The following NOL4 variants were observed in gnomAD, a reference collection of about 807,000 sequenced individuals.
NOL4 encodes cancer/testis antigen 125.
A neutral mutation model predicts 75.9 loss-of-function variants in NOL4; 17 were observed. The ratio of observed to expected loss-of-function variants is 0.22; its 90% CI spans 0.15 to 0.34. NOL4 has a LOEUF of 0.34. NOL4 is among the 10% of genes least tolerant of loss of function. NOL4 has a pLI of 1.00. For missense variants in NOL4, 614 were observed against 793.5 expected (o/e 0.77, Z 2.72); for synonymous variants, 292 against 289.9 (o/e 1.01, Z -0.07).
At chr18:34,010,715 C>A (rs550632016) in intron 6 of NOL4, among the ~76,000 whole-genome samples, 21 of 151,792 alleles carry the variant, frequency 1.4e-4, no homozygotes, top group Non-Finnish European at 2.7e-4. Flanking sequence ...TGCCAGTATT[C>A]ATTATTGCCT....
chr18:34,032,289 G>T (rs2075674714), intron 5 of NOL4, among the ~76,000 whole-genome samples: 1 of 152,120 alleles, frequency 6.6e-6, no homozygotes, highest in Admixed American at 6.5e-5. Flanking sequence ...AACCACTGCT[G>T]CCCACAACCT....
At chr18:34,130,596 A>C (rs2080594926) in intron 1 of NOL4, among the ~76,000 whole-genome samples, 1 of 152,126 alleles carries the variant, frequency 6.6e-6, no homozygotes, top group African/African-American at 2.4e-5. Context: ...TAGATCTTCT[A>C]CTTGGAAGCA....
intron 9 of NOL4, among the ~76,000 whole-genome samples, chr18:33,901,609 C>T (rs1252229404): frequency 1.3e-5 from 2 of 151,878 alleles, no homozygotes; most frequent in Admixed American, 6.6e-5. Flanking sequence ...TGGGGAAACA[C>T]GTTTATAAAA....
intron 9 of NOL4, among the ~76,000 whole-genome samples, chr18:33,914,412 T>C (rs2066592027): frequency 6.6e-6 from 1 of 152,106 alleles, no homozygotes; most frequent in Non-Finnish European, 1.5e-5. Context: ...TTTTAGAGCC[T>C]AGTAAAGACT....
chr18:33,952,652 TG>T (rs2069319740), intron 8 of NOL4, among the ~76,000 whole-genome samples: 1 of 152,130 alleles, frequency 6.6e-6, no homozygotes. Flanking sequence ...CTGCCAGGTG[TG>T]GTGGCTCACG....
At chr18:33,915,920 C>T (rs1185047727) in intron 9 of NOL4, among the ~76,000 whole-genome samples, 3 of 152,090 alleles carry the variant, frequency 2.0e-5, no homozygotes, top group Non-Finnish European at 2.9e-5. Context: ...TTAGTTTTCA[C>T]ACTTCTACAA....
At chr18:34,100,939 C>T (rs539564054) in intron 4 of NOL4, among the ~76,000 whole-genome samples, 1 of 152,238 alleles carries the variant, frequency 6.6e-6, no homozygotes, top group South Asian at 2.1e-4. Context: ...ATGTTTTCTA[C>T]CCACAGTTTT....
chr18:34,063,256 G>A (rs2077138222), intron 5 of NOL4, among the ~76,000 whole-genome samples: 4 of 152,026 alleles, frequency 2.6e-5, no homozygotes, highest in Admixed American at 2.0e-4. Flanking sequence ...GAAATCAGCA[G>A]CAGCAATGTA....
intron 10 of NOL4, among the ~76,000 whole-genome samples, chr18:33,863,531 A>G (rs1199442648): frequency 6.6e-6 from 1 of 152,218 alleles, no homozygotes; most frequent in Non-Finnish European, 1.5e-5. Flanking sequence ...CAGGCCCCAT[A>G]CAAGTCTGAA....
chr18:34,058,448 T>C (rs765067198), intron 5 of NOL4, among the ~76,000 whole-genome samples: 1 of 152,144 alleles, frequency 6.6e-6, no homozygotes, highest in Admixed American at 6.5e-5. Context: ...TATTTCTAAC[T>C]CTTTGTTTTT....
At chr18:34,172,357 T>A (rs1032835019) in intron 1 of NOL4, among the ~76,000 whole-genome samples, 3 of 152,074 alleles carry the variant, frequency 2.0e-5, no homozygotes, top group Non-Finnish European at 4.4e-5. Flanking sequence ...AAAATTGTAT[T>A]ATTTTTTATT....
At chr18:34,120,752 G>C (rs1390359355) in intron 2 of NOL4, among the ~76,000 whole-genome samples, 1 of 152,126 alleles carries the variant, frequency 6.6e-6, no homozygotes, top group African/African-American at 2.4e-5. Flanking sequence ...ACAAGTGCTA[G>C]ACCAGAGGCA....
chr18:34,205,080 C>A (rs1358791744), intron 1 of NOL4, among the ~76,000 whole-genome samples: 2 of 152,052 alleles, frequency 1.3e-5, no homozygotes, highest in Non-Finnish European at 2.9e-5. Flanking sequence ...GTTATGGAAA[C>A]AGGTTTTTTG....
At chr18:34,196,366 T>C (rs773354873) in intron 1 of NOL4, among the ~76,000 whole-genome samples, 16 of 152,092 alleles carry the variant, frequency 1.1e-4, no homozygotes, top group Non-Finnish European at 1.6e-4. Flanking sequence ...TCTTAGAAAA[T>C]TGCTGATCAG....
At chr18:34,059,406 C>T (rs1407033713) in intron 5 of NOL4, among the ~76,000 whole-genome samples, 1 of 151,922 alleles carries the variant, frequency 6.6e-6, no homozygotes, top group African/African-American at 2.4e-5. Flanking sequence ...GTTTCTCTTC[C>T]TGGCATATCC....
At chr18:34,110,452 G>C (rs1050800984) in intron 2 of NOL4, among the ~76,000 whole-genome samples, 34 of 152,058 alleles carry the variant, frequency 2.2e-4, no homozygotes, top group Non-Finnish European at 4.4e-4. Flanking sequence ...CATCTCAACA[G>C]ATTCAGAAAA....
chr18:34,008,615 G>T (rs749037470), intron 6 of NOL4, among the ~76,000 whole-genome samples: 4 of 151,708 alleles, frequency 2.6e-5, no homozygotes, highest in Admixed American at 1.3e-4. Context: ...TTTGAGAATC[G>T]CAATGCAAAG....
chr18:33,915,751 A>T (rs1343878145), intron 9 of NOL4, among the ~76,000 whole-genome samples: 2 of 152,178 alleles, frequency 1.3e-5, no homozygotes, highest in Non-Finnish European at 2.9e-5. Flanking sequence ...AGAACAACAG[A>T]AATAAAGAAA....
Position 33,905,916 on chromosome 18 carries a change from T to C in NOL4, c.1543-22492A>G, listed in dbSNP as rs1268752671. On this transcript the variant is annotated intron_variant, in intron 9 of 10. Transcript: ENST00000261592. ...TACCCAGATGGGAGACAACATCCCA[T>C]TGTCCTCAATTCCACAAGATTTTGG... Among the ~76,000 whole-genome samples the C allele has an allele frequency of 3.3e-5, 5 of 152,288 alleles. No homozygotes were observed. The East Asian group carries it at 9.7e-4, about 29-fold the overall frequency.
Sources: allele counts gnomAD v4.1 joint callset (sites outside exome capture counted in the v4.1 genomes callset), GRCh38; gene constraint gnomAD v4.1.1; transcripts MANE v1.5; gene names NCBI Gene and HGNC (gene_info 2026-07-23, HGNC 2026-07-21).